EPB41L1: variants seen among roughly 807,000 people sequenced by gnomAD.
EPB41L1 encodes the protein erythrocyte membrane protein band 4.1 like 1, also known as band 4.1-like protein 1.
EPB41L1 carries 29 observed loss-of-function variants against 97.8 expected under a neutral mutation model. That is an observed-to-expected ratio of 0.30 (90% CI 0.22 to 0.40). The LOEUF (loss-of-function observed/expected upper bound fraction) is 0.40, where lower values mean the gene tolerates loss of function less well. EPB41L1 is among the 10% of genes least tolerant of loss of function. The probability of loss-of-function intolerance (pLI) is 1.00; values close to 1 mark genes in which losing one functional copy is unlikely to be tolerated. For missense variants in EPB41L1, 812 were observed against 1,162.3 expected, an observed-to-expected ratio of 0.70 and a Z score of 4.38; for synonymous variants, 383 against 459.2, an observed-to-expected ratio of 0.83 and a Z score of 2.12.
chr20:36,206,105 C>T lies in EPB41L1; in HGVS notation c.1669-3383C>T. On this transcript the variant is annotated intron_variant, in intron 14 of 21. Coordinates refer to ENST00000338074, the MANE Select transcript of EPB41L1 (RefSeq NM_012156.2). This position sits in a 1 kb window ranked among gnomAD's most constrained non-coding sequence, Gnocchi z 5.5. ...ATTGCAAGTCCTGAAGACTTTGAGT[C>T]AGTGGGGGAGGAAGGCCCCTGGATC... 2 of 1,289,906 alleles carry T rather than the reference C, an allele frequency of 1.6e-6. No homozygotes were observed. The highest frequency in any genetic ancestry group is 2.5e-5 in the South Asian group (2 of 81,038). 79.9% of individuals were successfully genotyped at this position (1,289,906 alleles called of 1,614,324 possible).
At chr20:36,124,310 C>T (rs1345447007) in intron 2 of EPB41L1, among the ~76,000 whole-genome samples, 1 of 152,174 alleles carries the variant, frequency 6.6e-6, no homozygotes, top group African/African-American at 2.4e-5. Context: ...CTGACTATGT[C>T]ACTCAGTGAC....
chr20:36,097,910 G>A (rs918335963), intron 1 of EPB41L1, among the ~76,000 whole-genome samples: 3 of 152,306 alleles, frequency 2.0e-5, no homozygotes, highest in Non-Finnish European at 2.9e-5. Flanking sequence ...TCCTGCAGAC[G>A]GCAGGGAGCT....
At chr20:36,166,207 C>T (rs2060732136) in intron 1 of EPB41L1, among the ~76,000 whole-genome samples, 1 of 152,222 alleles carries the variant, frequency 6.6e-6, no homozygotes, top group Non-Finnish European at 1.5e-5. Flanking sequence ...TATCCATCTA[C>T]CCCTCCATCT....
intron 1 of EPB41L1, among the ~76,000 whole-genome samples, chr20:36,162,544 T>C (rs2060575946): frequency 6.6e-6 from 1 of 152,018 alleles, no homozygotes; most frequent in Non-Finnish European, 1.5e-5. Flanking sequence ...GCAGCTCAAA[T>C]AAGATAAAGC....
chr20:36,107,379 C>G (rs565096731), intron 1 of EPB41L1, among the ~76,000 whole-genome samples: 1 of 151,340 alleles, frequency 6.6e-6, no homozygotes, highest in African/African-American at 2.4e-5. Context: ...CACCACCATA[C>G]CCGGCTAATT....
intron 1 of EPB41L1, among the ~76,000 whole-genome samples, chr20:36,167,191 G>A (rs2060772743): frequency 6.6e-6 from 1 of 152,156 alleles, no homozygotes; most frequent in East Asian, 1.9e-4. Flanking sequence ...GAACATTACA[G>A]ACTATCATTA....
At chr20:36,135,308 C>T (rs6142516) in intron 2 of EPB41L1, among the ~76,000 whole-genome samples, 2 of 152,162 alleles carry the variant, frequency 1.3e-5, no homozygotes, top group Non-Finnish European at 2.9e-5. Flanking sequence ...AAGTACTTTC[C>T]TTCAGATCAC....
In EPB41L1 at chr20:36,093,042, C is replaced by T; in HGVS notation, c.-65+1430C>T. 6.5e-6 allele frequency: 1 copy of T among 152,788 alleles called. No individual in the cohort carries two copies. Among genetic ancestry groups the T allele is most frequent in the Non-Finnish European group, 1.5e-5 (1 of 68,422 alleles). 9.5% of individuals were successfully genotyped at this position (152,788 alleles called of 1,614,324 possible). ...TCTCTGGGTGTGTGTTAGGTGTGAG[C>T]GCGCGTGTGCCCGTGGATCCGTGCG... is the stretch of plus-strand genomic sequence containing the variant. On this transcript the variant is annotated intron_variant, in intron 1 of 19. Coordinates refer to the EPB41L1 transcript ENST00000202028. The surrounding 1 kb of genome is among the most constrained non-coding windows in gnomAD (Gnocchi z 5.4).
At position 36,190,302 on chromosome 20, in the gene EPB41L1, G is replaced by T; in HGVS notation, c.1052G>T (p.Gly351Val). ...TATGAGCAATTTGAGAGCACAATTG[G>T]CTTTAAGCTCCCAAACCACCGGTCA... is the stretch of plus-strand genomic sequence containing the variant. ...GEYEQFESTI[G>V]FKLPNHRSAK... The change falls in exon 10 of 22, where the codon GGC becomes GTC. Residue 351 changes from glycine to valine, a missense_variant. Coordinates refer to ENST00000338074, the MANE Select transcript of EPB41L1 (RefSeq NM_012156.2). The surrounding 1 kb of genome is among the most constrained non-coding windows in gnomAD (Gnocchi z 5.8). 6.2e-7 allele frequency: 1 copy of T among 1,614,130 alleles called. No individual in the cohort carries two copies. Among genetic ancestry groups the T allele is most frequent in the Non-Finnish European group, 8.5e-7 (1 of 1,180,028 alleles).
Position 36,092,777 on chromosome 20 carries a change from G to C in EPB41L1, c.-65+1165G>C, listed in dbSNP as rs1024248341. On this transcript the variant is annotated intron_variant, in intron 1 of 19. Transcript: ENST00000202028. This position sits in a 1 kb window ranked among gnomAD's most constrained non-coding sequence, Gnocchi z 7.0. ...CAGCCGCCGGACACCAGGACCGCGA[G>C]CCAGACAGCTCCCGGAAGCCGCGCC... 6.6e-6 allele frequency: 1 copy of C among 152,634 alleles called. No individual in the cohort carries two copies. Among genetic ancestry groups the C allele is most frequent in the African/African-American group, 2.4e-5 (1 of 41,392 alleles). 9.5% of individuals were successfully genotyped at this position (152,634 alleles called of 1,614,324 possible). A position where few individuals can be genotyped will look rare whatever the true frequency, so the allele number is the denominator to read the frequency against.
chr20:36,210,707 C>T (rs1056195745), intron 15 of EPB41L1, among the ~76,000 whole-genome samples: 2 of 152,118 alleles, frequency 1.3e-5, no homozygotes, highest in Non-Finnish European at 2.9e-5. Flanking sequence ...GCTTTCCTGA[C>T]CACCCTGGGC....
chr20:36,204,366 T>C (rs1270801334), intron 14 of EPB41L1, among the ~76,000 whole-genome samples: 3 of 152,054 alleles, frequency 2.0e-5, no homozygotes, highest in Non-Finnish European at 2.9e-5. Flanking sequence ...TTCCTGCTTT[T>C]CTAACCACCC....
At chr20:36,229,240 C>A in intron 21 of EPB41L1, 92 bp from the exon 22 acceptor site, 1 of 1,072,412 alleles carries the variant, frequency 9.3e-7, no homozygotes, top group Non-Finnish European at 1.4e-6. Context: ...TATTTTAAAA[C>A]AAGTGACAGA....
intron 2 of EPB41L1, among the ~76,000 whole-genome samples, chr20:36,135,346 T>C (rs949000287): frequency 1.3e-5 from 2 of 152,182 alleles, no homozygotes; most frequent in African/African-American, 4.8e-5. Context: ...GAGGGGGATT[T>C]GGGATTCTGC....
intron 1 of EPB41L1, among the ~76,000 whole-genome samples, chr20:36,106,450 C>G (rs1328984024): frequency 6.6e-6 from 1 of 152,176 alleles, no homozygotes; most frequent in Non-Finnish European, 1.5e-5. Flanking sequence ...TGACTTTGCG[C>G]AGGTGACTTA....
Position 36,136,993 on chromosome 20 carries a change from C to G in EPB41L1, c.-10+24513C>G, listed in dbSNP as rs559642258. 3.3e-5 allele frequency among the ~76,000 whole-genome samples: 5 copies of G among 152,254 alleles called. No individual in the cohort carries two copies. In the South Asian group the frequency reaches 8.3e-4, roughly 25 times the overall value. Reference sequence around the variant, plus strand: ...TCCCAGGCTCAAATGGTCCTCCCATCTCATCCTCCCAAGTAGCTGGGACTA... The same window carrying G: ...TCCCAGGCTCAAATGGTCCTCCCATGTCATCCTCCCAAGTAGCTGGGACTA... On this transcript the variant is annotated intron_variant, in intron 2 of 19. Coordinates refer to the EPB41L1 transcript ENST00000202028.
At chr20:36,130,138 C>T (rs1184452384) in intron 2 of EPB41L1, among the ~76,000 whole-genome samples, 1 of 152,058 alleles carries the variant, frequency 6.6e-6, no homozygotes, top group East Asian at 1.9e-4. Flanking sequence ...GACGGTATTT[C>T]TCCATATTGG....
At chr20:36,213,917 T>C (rs60583056) in intron 16 of EPB41L1, among the ~76,000 whole-genome samples, 4,327 of 152,302 alleles carry the variant, frequency 0.028, 158 homozygotes, top group African/African-American at 0.086. Context: ...TAGACCCACC[T>C]TACTCTTGAT....
chr20:36,184,071 C>CA (rs1294207874), intron 6 of EPB41L1, among the ~76,000 whole-genome samples: 1 of 151,938 alleles, frequency 6.6e-6, no homozygotes, highest in Non-Finnish European at 1.5e-5. Flanking sequence ...CTTGTCTCCA[C>CA]AAAAAATACA....
Sources: gnomAD v4.1 joint callset for allele counts (sites outside exome capture counted in the v4.1 genomes callset) on GRCh38, gnomAD v4.1.1 for gene constraint, Gnocchi (gnomAD v3.1) non-coding constraint, MANE v1.5 for transcripts, NCBI Gene and HGNC (gene_info 2026-07-23, HGNC 2026-07-21) for gene names.